MCTP1: variants seen among roughly 807,000 people sequenced by gnomAD.
MCTP1 encodes multiple C2 and transmembrane domain-containing protein 1.
In MCTP1, 69 loss-of-function variants were observed where a neutral mutation model predicts 120.6. The ratio of observed to expected loss-of-function variants is 0.57; its 90% CI spans 0.47 to 0.70. The LOEUF (loss-of-function observed/expected upper bound fraction) is 0.70, where lower values mean the gene tolerates loss of function less well. Ranked by LOEUF, MCTP1 falls within the 30% of genes least tolerant of loss-of-function variation. The probability of loss-of-function intolerance (pLI) is 0.00; values close to 1 mark genes in which losing one functional copy is unlikely to be tolerated. For synonymous variants in MCTP1, 529 were observed against 493.1 expected (o/e 1.07, Z -0.96); for missense variants, 1,203 against 1,248.8 (o/e 0.96, Z 0.55).
At chr5:94,944,015 G>C (rs139889718) in intron 3 of MCTP1, among the ~76,000 whole-genome samples, 154 of 152,196 alleles carry the variant, frequency 1.0e-3, no homozygotes, top group African/African-American at 3.6e-3. Context: ...GCTCAAAGCA[G>C]AGCATTCCTG....
Position 94,710,715 on chromosome 5 carries a change from GA to G in MCTP1, c.2830+102del, listed in dbSNP as rs1416824060. 3 of 691,382 alleles carry G rather than the reference GA, an allele frequency of 4.3e-6. No individual in the cohort carries two copies. The African/African-American group carries it at 5.5e-5, about 13-fold the overall frequency. 42.8% of individuals were successfully genotyped at this position (691,382 alleles called of 1,614,324 possible). ...TCTTTTCATCATGGAGTAGCTTCAT[GA>G]CCATAAATACAGGGAACTGCTGACA... On this transcript the variant is annotated intron_variant, in intron 21 of 22. Transcript: ENST00000515393.
chr5:95,238,626 A>C (rs1459285097), intron 1 of MCTP1, among the ~76,000 whole-genome samples: 3 of 152,200 alleles, frequency 2.0e-5, no homozygotes, highest in African/African-American at 7.2e-5. Flanking sequence ...GGAAAAGCAG[A>C]ACTGCCGTCA....
At chr5:94,953,497 G>C (rs1490088390) in intron 2 of MCTP1, 136 bp from the exon 3 acceptor site, 2 of 558,224 alleles carry the variant, frequency 3.6e-6, no homozygotes, top group Non-Finnish European at 5.7e-6. Context: ...TAAGAGTTAA[G>C]TGTTTTCTTA....
intron 2 of MCTP1, among the ~76,000 whole-genome samples, chr5:94,960,703 A>G (rs1823910023): frequency 6.6e-6 from 1 of 152,244 alleles, no homozygotes; most frequent in South Asian, 2.1e-4. Context: ...AATGTAATAC[A>G]AATTAAAACC....
intron 3 of MCTP1, among the ~76,000 whole-genome samples, chr5:94,942,749 A>G (rs1299157268): frequency 1.3e-5 from 2 of 152,072 alleles, no homozygotes; most frequent in Non-Finnish European, 1.5e-5. Context: ...TGTCTTTCAT[A>G]TTGGGCTATG....
intron 2 of MCTP1, among the ~76,000 whole-genome samples, chr5:94,954,796 T>C (rs1188370120): frequency 6.6e-6 from 1 of 152,164 alleles, no homozygotes; most frequent in African/African-American, 2.4e-5. Context: ...GGTCCCATAT[T>C]TTTTCTTGCT....
chr5:94,921,228 T>C (rs967880139), intron 7 of MCTP1, among the ~76,000 whole-genome samples: 1 of 152,262 alleles, frequency 6.6e-6, no homozygotes, highest in Non-Finnish European at 1.5e-5. Context: ...AACATGGTAA[T>C]TGTCATATCC....
chr5:95,127,185 A>G (rs1376984628), intron 1 of MCTP1, among the ~76,000 whole-genome samples: 1 of 152,210 alleles, frequency 6.6e-6, no homozygotes, highest in Non-Finnish European at 1.5e-5. Flanking sequence ...GTCCGTGACC[A>G]GAGAAACCAG....
At chr5:94,745,457 CTTTGTCTCTT>C (rs1469400579) in intron 19 of MCTP1, among the ~76,000 whole-genome samples, 1 of 152,134 alleles carries the variant, frequency 6.6e-6, no homozygotes, top group African/African-American at 2.4e-5. Flanking sequence ...CTCATTTTCA[CTTTGTCTCTT>C]TTTGTCTCTT....
intron 1 of MCTP1, among the ~76,000 whole-genome samples, chr5:95,024,360 A>C (rs745415435): frequency 6.6e-6 from 1 of 152,142 alleles, no homozygotes; most frequent in Non-Finnish European, 1.5e-5. Flanking sequence ...GCCAAAAACC[A>C]CCTTATAATC....
At chr5:95,041,216 A>G (rs982030580) in intron 1 of MCTP1, among the ~76,000 whole-genome samples, 1 of 152,070 alleles carries the variant, frequency 6.6e-6, no homozygotes, top group East Asian at 1.9e-4. Flanking sequence ...CAGATGTGGA[A>G]ACTGAAGATT....
chr5:94,992,058 G>A (rs1453775149), intron 2 of MCTP1, among the ~76,000 whole-genome samples: 1 of 152,134 alleles, frequency 6.6e-6, no homozygotes, highest in East Asian at 1.9e-4. Flanking sequence ...TGAGTAGGCT[G>A]TTAACAGCAG....
intron 17 of MCTP1, among the ~76,000 whole-genome samples, chr5:94,830,159 A>T (rs557292996): frequency 5.9e-4 from 90 of 152,322 alleles, no homozygotes; most frequent in African/African-American, 2.1e-3. Context: ...AAACAAACAA[A>T]ACCAAAACCA....
chr5:94,822,608 A>C (rs570330661), intron 17 of MCTP1, among the ~76,000 whole-genome samples: 1 of 152,122 alleles, frequency 6.6e-6, no homozygotes, highest in South Asian at 2.1e-4. Context: ...TGGTATTTCT[A>C]GTTCTAGATC....
Position 94,935,816 on chromosome 5 carries a change from T to C in MCTP1, c.1174-3825A>G, listed in dbSNP as rs112958952. On this transcript the variant is annotated intron_variant, in intron 5 of 22. Coordinates refer to ENST00000515393, the MANE Select transcript of MCTP1 (RefSeq NM_024717.7). ...TTTCTGGGGATTGTGAAGCATTCAGTAACTGATTTCTGGTTTGCTGCATTT... is the reference window on the plus strand; with the variant it reads ...TTTCTGGGGATTGTGAAGCATTCAGCAACTGATTTCTGGTTTGCTGCATTT... Among the ~76,000 whole-genome samples, 21 of 152,238 alleles carry C rather than the reference T, an allele frequency of 1.4e-4. 3 individuals carry two copies. The highest frequency in any genetic ancestry group is 4.6e-4 in the African/African-American group (19 of 41,570).
At chr5:94,748,750 T>G (rs995792791) in intron 19 of MCTP1, among the ~76,000 whole-genome samples, 2 of 152,242 alleles carry the variant, frequency 1.3e-5, no homozygotes, top group African/African-American at 4.8e-5. Flanking sequence ...CCAAAAAGAC[T>G]TTCTTGAGCC....
At chr5:94,958,242 C>T (rs1467617207) in intron 2 of MCTP1, among the ~76,000 whole-genome samples, 2 of 152,024 alleles carry the variant, frequency 1.3e-5, no homozygotes, top group African/African-American at 4.8e-5. Flanking sequence ...CACAACATAC[C>T]AGAACCTTTG....
chr5:95,240,281 T>C (rs907893755), intron 1 of MCTP1, among the ~76,000 whole-genome samples: 14 of 152,226 alleles, frequency 9.2e-5, no homozygotes, highest in Non-Finnish European at 1.5e-4. Context: ...CTTACCTGCA[T>C]TTAAAAGCTG....
intron 19 of MCTP1, among the ~76,000 whole-genome samples, chr5:94,778,492 C>A: frequency 6.6e-6 from 1 of 152,034 alleles, no homozygotes. Context: ...CCAATCCAAG[C>A]AGTCCCAGAA....
Sources: allele counts gnomAD v4.1 joint callset (sites outside exome capture counted in the v4.1 genomes callset), GRCh38; gene constraint gnomAD v4.1.1; transcripts MANE v1.5; gene names NCBI Gene and HGNC (gene_info 2026-07-23, HGNC 2026-07-21).